Variants in RCAN1 observed in about 807,000 individuals in gnomAD.
RCAN1 encodes the protein calcipressin-1.
RCAN1 carries 11 observed loss-of-function variants against 22.9 expected under a neutral mutation model. The observed-to-expected ratio is 0.48, with a 90% CI of 0.30 to 0.79. The LOEUF (loss-of-function observed/expected upper bound fraction) is 0.79. Ranked by LOEUF, RCAN1 falls within the 30% of genes least tolerant of loss-of-function variation. The pLI, the probability that RCAN1 is intolerant of heterozygous loss-of-function variation, is 0.06. For synonymous variants in RCAN1, 136 were observed against 142.3 expected, an observed-to-expected ratio of 0.96 and a Z score of 0.32; for missense variants, 291 against 337.8, an observed-to-expected ratio of 0.86 and a Z score of 1.09.
intron 1 of RCAN1, among the ~76,000 whole-genome samples, chr21:34,590,300 C>T (rs1987930366): frequency 6.6e-6 from 1 of 152,236 alleles, no homozygotes; most frequent in Non-Finnish European, 1.5e-5. Context: ...TAGTATCTGT[C>T]TCTCCCATGA....
At chr21:34,600,178 C>T (rs1601216592) in intron 1 of RCAN1, among the ~76,000 whole-genome samples, 1 of 152,148 alleles carries the variant, frequency 6.6e-6, no homozygotes, top group East Asian at 1.9e-4. Flanking sequence ...TGCTGCAGGG[C>T]TAAGAATCGC....
intron 1 of RCAN1, among the ~76,000 whole-genome samples, chr21:34,563,770 AATATAT>A (rs1199194939): frequency 6.1e-5 from 4 of 65,476 alleles, no homozygotes; most frequent in East Asian, 4.8e-4. Context: ...AAAAAAAAAA[AATATAT>A]ATATATATAT....
rs892174764 is a variant in RCAN1 at position 34,517,911 on chromosome 21, G to A, written c.*173C>T. 1.7e-5 allele frequency: 12 copies of A among 713,792 alleles called. No homozygotes were observed. Among genetic ancestry groups the A allele is most frequent in the Admixed American group, 1.1e-4 (4 of 35,162 alleles). 44.2% of individuals were successfully genotyped at this position (713,792 alleles called of 1,614,324 possible). ...GGGTGCCATGAACAGTAACTGGTGT[G>A]CAGCATTAGAACAAGGGGACACGGC... On this transcript the variant is annotated 3_prime_UTR_variant, in exon 4 of 4. Transcript: ENST00000313806.
At chr21:34,557,971 T>A (rs996036349) in intron 1 of RCAN1, among the ~76,000 whole-genome samples, 3 of 152,186 alleles carry the variant, frequency 2.0e-5, no homozygotes, top group Admixed American at 2.0e-4. Context: ...CGACCTGGAA[T>A]CAGAATTTGA....
At chr21:34,583,445 T>C (rs921197454) in intron 1 of RCAN1, among the ~76,000 whole-genome samples, 1 of 152,094 alleles carries the variant, frequency 6.6e-6, no homozygotes, top group African/African-American at 2.4e-5. Context: ...AGATAGGGCC[T>C]TTAAAGAGGC....
intron 1 of RCAN1, among the ~76,000 whole-genome samples, chr21:34,532,071 T>C (rs536862980): frequency 6.6e-6 from 1 of 152,036 alleles, no homozygotes; most frequent in African/African-American, 2.4e-5. Flanking sequence ...CAAGAAGCAG[T>C]GTCAGGGTCA....
At chr21:34,603,889 T>C (rs1314344293) in intron 1 of RCAN1, among the ~76,000 whole-genome samples, 2 of 152,220 alleles carry the variant, frequency 1.3e-5, no homozygotes, top group Non-Finnish European at 2.9e-5. Context: ...AATTATAATT[T>C]ATCACTCAAG....
intron 1 of RCAN1, among the ~76,000 whole-genome samples, chr21:34,573,335 A>G (rs1379450698): frequency 6.6e-6 from 1 of 152,186 alleles, no homozygotes. Context: ...AGGATTATTT[A>G]GCTAATCTTT....
rs73208743 is a variant in RCAN1, at chr21:34,583,606, G to A, written c.252+31154C>T. 5.7e-3 allele frequency among the ~76,000 whole-genome samples: 861 copies of A among 152,286 alleles called. 6 individuals are homozygous for A. Among genetic ancestry groups the A allele is most frequent in the Middle Eastern group, 0.01 (3 of 294 alleles). On this transcript the variant is annotated intron_variant, in intron 1 of 3. Transcript: ENST00000313806. ...GTGAGGACACAGGGAGAAGGCAGCC[G>A]TCTACAAGCCAAGGAGAGAGGCCTC...
At chr21:34,580,230 C>T (rs1199820567) in intron 1 of RCAN1, among the ~76,000 whole-genome samples, 1 of 152,208 alleles carries the variant, frequency 6.6e-6, no homozygotes, top group East Asian at 1.9e-4. Flanking sequence ...CCCGGGTATG[C>T]TAGAGACAGA....
intron 1 of RCAN1, among the ~76,000 whole-genome samples, chr21:34,575,320 A>T (rs1987377048): frequency 6.6e-6 from 1 of 152,006 alleles, no homozygotes; most frequent in Non-Finnish European, 1.5e-5. Context: ...AGCATTTCCC[A>T]CTTCCCTCCT....
chr21:34,532,646 A>C (rs1221882739), intron 1 of RCAN1, among the ~76,000 whole-genome samples: 1 of 152,238 alleles, frequency 6.6e-6, no homozygotes, highest in East Asian at 1.9e-4. Context: ...ATAGAACTAA[A>C]AACTAGTTCC....
intron 1 of RCAN1, among the ~76,000 whole-genome samples, chr21:34,581,655 A>G (rs1987613367): frequency 6.6e-6 from 1 of 152,190 alleles, no homozygotes; most frequent in Non-Finnish European, 1.5e-5. Flanking sequence ...AAAAAAAATC[A>G]CTAAAAATGT....
At chr21:34,554,281 C>A (rs1300528582) in intron 1 of RCAN1, among the ~76,000 whole-genome samples, 1 of 152,168 alleles carries the variant, frequency 6.6e-6, no homozygotes, top group Non-Finnish European at 1.5e-5. Context: ...ACCTTGAAAT[C>A]ATTATTTTAT....
chr21:34,516,957 G>A lies in RCAN1; in HGVS notation c.*1127C>T, dbSNP rs889826784. The A allele has an allele frequency of 6.6e-6, 1 of 152,614 alleles. No individual in the cohort carries two copies. Among genetic ancestry groups the A allele is most frequent in the Non-Finnish European group, 1.5e-5 (1 of 68,038 alleles). 9.5% of individuals were successfully genotyped at this position (152,614 alleles called of 1,614,324 possible). Reference sequence around the variant, plus strand: ...ATCGCCACAGATCTACTATCCACTTGACATGCTTTGAATTCAAGTCCTGTT... The same window carrying A: ...ATCGCCACAGATCTACTATCCACTTAACATGCTTTGAATTCAAGTCCTGTT... On this transcript the variant is annotated 3_prime_UTR_variant, in exon 4 of 4. Coordinates refer to ENST00000313806, the MANE Select transcript of RCAN1 (RefSeq NM_004414.7).
intron 1 of RCAN1, among the ~76,000 whole-genome samples, chr21:34,555,571 C>CAAA (rs10683737): frequency 0.15 from 19,756 of 130,680 alleles, 1,558 homozygotes; most frequent in East Asian, 0.29. Context: ...GGCTGTGTCT[C>CAAA]AAAAAAAAAA....
chr21:34,519,555 T>C lies in RCAN1; in HGVS notation c.587-1299A>G, dbSNP rs368971205. On this transcript the variant is annotated intron_variant, in intron 3 of 3. Coordinates refer to ENST00000313806, the MANE Select transcript of RCAN1 (RefSeq NM_004414.7). ...CTGGGACTACAGGCGCATGCCATCA[T>C]ACTCAGCTAATTTTTGTATTTTTAG... is the stretch of plus-strand genomic sequence containing the variant. 1.2e-3 allele frequency among the ~76,000 whole-genome samples: 190 copies of C among 152,060 alleles called. 2 individuals carry two copies. Among genetic ancestry groups the C allele is most frequent in the African/African-American group, 4.4e-3 (183 of 41,500 alleles).
chr21:34,545,559 C>T (rs968358040), intron 1 of RCAN1, among the ~76,000 whole-genome samples: 1 of 152,176 alleles, frequency 6.6e-6, no homozygotes, highest in Admixed American at 6.5e-5. Flanking sequence ...GGGGGCTGGC[C>T]AGGCCAGGCA....
chr21:34,587,415 G>A (rs1479760217), intron 1 of RCAN1, among the ~76,000 whole-genome samples: 3 of 151,876 alleles, frequency 2.0e-5, no homozygotes, highest in Non-Finnish European at 4.4e-5. Context: ...CAAAAGGAGG[G>A]GCCCTTTCTA....
Sources: allele counts gnomAD v4.1 joint callset (sites outside exome capture counted in the v4.1 genomes callset), GRCh38; gene constraint gnomAD v4.1.1; transcripts MANE v1.5; gene names NCBI Gene and HGNC (gene_info 2026-07-23, HGNC 2026-07-21).